ASL: variants seen among roughly 807,000 people sequenced by gnomAD.
ASL encodes argininosuccinase.
In ASL, 51 loss-of-function variants were observed where a neutral mutation model predicts 69.1. That is an observed-to-expected ratio of 0.74 (90% CI 0.59 to 0.93). ASL has a LOEUF of 0.93. Ranked by LOEUF, ASL falls within the 40% of genes least tolerant of loss-of-function variation. The pLI, the probability that ASL is intolerant of heterozygous loss-of-function variation, is 0.00. For synonymous variants in ASL, 241 were observed against 247.6 expected (o/e 0.97, Z 0.25); for missense variants, 540 against 623.9 (o/e 0.87, Z 1.43).
In ASL at chr7:66,092,770, C is replaced by T. The variant is rs1786887684; in HGVS notation, c.1253C>T (p.Pro418Leu). The T allele has an allele frequency of 3.7e-6, 6 of 1,613,882 alleles. No individual in the cohort carries two copies. The highest frequency in any genetic ancestry group is 3.3e-5 in the South Asian group (3 of 91,076). ...CCCACCTCTTCCTCTCTCCCCAGCC[C>T]CCTGTTCTCGGGCGACGTGATCTGC... ...LSLQELQTISPLFSGDVICVW... is the reference protein window; with the variant it reads ...LSLQELQTISLLFSGDVICVW... Residue 418 changes from proline to leucine, a missense_variant and splice_region_variant, in exon 17 of 17, where the codon CCC becomes CTC. Coordinates refer to ENST00000304874, the MANE Select transcript of ASL (RefSeq NM_000048.4).
chr7:66,081,279 G>T (rs1376293055), intron 2 of ASL, among the ~76,000 whole-genome samples: 4 of 152,028 alleles, frequency 2.6e-5, no homozygotes, highest in Non-Finnish European at 4.4e-5. Flanking sequence ...CATGTGGTGG[G>T]AAAGAACCCC....
At chr7:66,087,452 C>T (rs1786702872) in intron 9 of ASL, 66 bp downstream of exon 9, 2 of 1,566,110 alleles carry the variant, frequency 1.3e-6, no homozygotes, top group Non-Finnish European at 1.7e-6. Flanking sequence ...CCTGCAGACA[C>T]ACCTGAAACC....
intron 6 of ASL, 21 bp from the exon 7 acceptor site, chr7:66,086,564 T>G: frequency 6.2e-7 from 1 of 1,612,802 alleles, no homozygotes. Flanking sequence ...CACCCGAGCT[T>G]CTGCTCCTCC....
intron 12 of ASL, 22 bp from the exon 13 acceptor site, chr7:66,089,254 C>T (rs1786769734): frequency 1.2e-6 from 2 of 1,611,294 alleles, no homozygotes; most frequent in Admixed American, 3.4e-5. Flanking sequence ...GGTCCAGCCC[C>T]TGTGCCTCCC....
chr7:66,079,337 G>A (rs547888183), intron 2 of ASL, among the ~76,000 whole-genome samples: 2 of 152,264 alleles, frequency 1.3e-5, no homozygotes, highest in Admixed American at 6.5e-5. Context: ...CAAAAAGGAC[G>A]TCAGTGAAGT....
chr7:66,083,317 G>C (rs1284704769), intron 6 of ASL, 143 bp downstream of exon 6: 4 of 854,012 alleles, frequency 4.7e-6, no homozygotes, highest in Non-Finnish European at 7.3e-6. Flanking sequence ...TCGAGGCAGA[G>C]CAGCCAGGAG....
rs1050266174 is a variant in ASL, at chr7:66,075,825, G to T, written c.-75G>T. The T allele has an allele frequency of 6.2e-6, 3 of 481,700 alleles. No homozygotes were observed. The highest frequency in any genetic ancestry group is 1.1e-5 in the Non-Finnish European group (3 of 267,144). The allele number at this position is 481,700 out of a possible 1,614,324, so 29.8% of individuals were successfully genotyped here. A position where few individuals can be genotyped will look rare whatever the true frequency, so the allele number is the denominator to read the frequency against. ...GGCCAGAAAAGCCCTGGCCAGTGGC[G>T]GGCGCGACACTATCCGTGCGGCCAG... On this transcript the variant is annotated 5_prime_UTR_variant, in exon 1 of 17. Transcript: ENST00000304874.
chr7:66,091,736 C>A (rs1201826826), intron 14 of ASL: 1 of 483,990 alleles, frequency 2.1e-6, no homozygotes, highest in South Asian at 2.1e-5. Context: ...AAAACAAATC[C>A]TCCAGGAACA....
chr7:66,086,415 T>C (rs1187119013), intron 6 of ASL, among the ~76,000 whole-genome samples, 170 bp from the exon 7 acceptor site: 1 of 152,196 alleles, frequency 6.6e-6, no homozygotes, highest in Non-Finnish European at 1.5e-5. Context: ...TTCCAGCTTC[T>C]TTTGCCCTTA....
intron 6 of ASL, chr7:66,083,446 A>T (rs755018008): frequency 1.0e-4 from 38 of 372,930 alleles, no homozygotes; most frequent in Non-Finnish European, 1.8e-4. Context: ...GCACTTTGGG[A>T]GGCCGAGGTG....
intron 6 of ASL, among the ~76,000 whole-genome samples, chr7:66,083,673 G>T (rs189297259): frequency 6.6e-6 from 1 of 150,626 alleles, no homozygotes; most frequent in African/African-American, 2.4e-5. Context: ...TACAGAGCGA[G>T]ACTCCTGTCT....
chr7:66,080,526 C>G (rs1223117192), intron 2 of ASL, among the ~76,000 whole-genome samples: 1 of 151,768 alleles, frequency 6.6e-6, no homozygotes, highest in Non-Finnish European at 1.5e-5. Flanking sequence ...AGTTCGAGAC[C>G]AGCCTGACCA....
intron 6 of ASL, among the ~76,000 whole-genome samples, chr7:66,084,764 T>C (rs982750388): frequency 1.7e-4 from 26 of 152,132 alleles, no homozygotes; most frequent in Admixed American, 1.6e-3. Flanking sequence ...GGAGTACAGG[T>C]GCCCACCACC....
In ASL at chr7:66,089,181, C is replaced by T; in HGVS notation, c.918+6C>T. Reference sequence around the variant, plus strand: ...CTGGGCGTGTGTTTGGGCGGGTGAGCAAGGCAGGGGGAGGGGCGGGGCCTC... The same window carrying T: ...CTGGGCGTGTGTTTGGGCGGGTGAGTAAGGCAGGGGGAGGGGCGGGGCCTC... On this transcript the variant is annotated splice_donor_region_variant and intron_variant, in intron 12 of 16. Coordinates refer to ENST00000304874, the MANE Select transcript of ASL (RefSeq NM_000048.4). 1.9e-6 allele frequency: 3 copies of T among 1,586,682 alleles called. No individual in the cohort carries two copies. Among genetic ancestry groups the T allele is most frequent in the Non-Finnish European group, 2.6e-6 (3 of 1,155,440 alleles).
At chr7:66,084,766 C>CCGG (rs1359168909) in intron 6 of ASL, among the ~76,000 whole-genome samples, 25 of 152,186 alleles carry the variant, frequency 1.6e-4, no homozygotes, top group Admixed American at 1.6e-3. Context: ...AGTACAGGTG[C>CCGG]CCACCACCAC....
chr7:66,084,341 T>G (rs1029358788), intron 6 of ASL, among the ~76,000 whole-genome samples: 1 of 151,650 alleles, frequency 6.6e-6, no homozygotes, highest in East Asian at 1.9e-4. Flanking sequence ...TGTATTTTTT[T>G]CAGTAGAGAT....
intron 10 of ASL, 151 bp downstream of exon 10, chr7:66,087,942 G>A (rs1369169190): frequency 2.0e-6 from 2 of 1,010,036 alleles, no homozygotes; most frequent in African/African-American, 1.6e-5. Flanking sequence ...AAAGTGGGTG[G>A]GGCATGGTGG....
rs1457514256 is a variant in ASL, at chr7:66,089,169, T to TG, written c.915dup (p.Arg306AlafsTer29). The TG allele has an allele frequency of 3.1e-6, 5 of 1,606,798 alleles. No homozygotes were observed. Among genetic ancestry groups the TG allele is most frequent in the Non-Finnish European group, 4.3e-6 (5 of 1,176,348 alleles). On this transcript the variant is annotated frameshift_variant, in exon 12 of 17. Coordinates refer to ENST00000304874, the MANE Select transcript of ASL (RefSeq NM_000048.4). LOFTEE classifies it high-confidence loss of function. ...TCCGGAGCAAGGCTGGGCGTGTGTT[T>TG]GGGCGGGTGAGCAAGGCAGGGGGAG... is the stretch of plus-strand genomic sequence containing the variant.
rs777400089 is a variant in ASL at position 66,081,890 on chromosome 7, C to T, written c.100C>T (p.Leu34Phe). Residue 34 changes from leucine to phenylalanine, a missense_variant, in exon 3 of 17, where the codon CTT (leucine) becomes TTT (phenylalanine). By Grantham distance (22) the Leu-to-Phe change is conservative. Coordinates refer to ENST00000304874, the MANE Select transcript of ASL (RefSeq NM_000048.4). ...CGCGTCCATTGCCTACGACCGGCACCTTTGGGAGGTGGATGTTCAAGGCAG... is the reference window on the plus strand; with the variant it reads ...CGCGTCCATTGCCTACGACCGGCACTTTTGGGAGGTGGATGTTCAAGGCAG... Reference protein sequence around the residue: ...FNASIAYDRHLWEVDVQGSKA... With the variant: ...FNASIAYDRHFWEVDVQGSKA... 1 of 1,613,980 alleles carries T rather than the reference C, an allele frequency of 6.2e-7. No homozygotes were observed. Among genetic ancestry groups the T allele is most frequent in the Admixed American group, 1.7e-5 (1 of 59,982 alleles).
Sources: allele counts gnomAD v4.1 joint callset (sites outside exome capture counted in the v4.1 genomes callset), GRCh38; gene constraint gnomAD v4.1.1; transcripts MANE v1.5; gene names NCBI Gene and HGNC (gene_info 2026-07-23, HGNC 2026-07-21).